COX10: variants seen among roughly 807,000 people sequenced by gnomAD.
The protein encoded by COX10 is protoheme IX farnesyltransferase, mitochondrial.
In COX10, 27 loss-of-function variants were observed where a neutral mutation model predicts 37.3. The observed-to-expected ratio is 0.72, with a 90% CI of 0.53 to 1.00. The LOEUF (loss-of-function observed/expected upper bound fraction) is 1.00, where lower values mean the gene tolerates loss of function less well. Ranked by LOEUF, COX10 falls within the 50% of genes least tolerant of loss-of-function variation. COX10 has a pLI of 0.00. For missense variants in COX10, 475 were observed against 563.2 expected, an observed-to-expected ratio of 0.84 and a Z score of 1.59; for synonymous variants, 222 against 229.1, an observed-to-expected ratio of 0.97 and a Z score of 0.28.
chr17:14,207,062 A>T lies in COX10; in HGVS notation c.1181A>T (p.Tyr394Phe). The stretch of plus-strand genomic sequence containing the variant: ...CTTCCCATCAATGCGTACATCTCCT[A>T]CCTCGGCTTCCGCTTCTACGTGGAC... ...MALPINAYISYLGFRFYVDAD... is the reference protein window; with the variant it reads ...MALPINAYISFLGFRFYVDAD... The change falls in exon 7 of 7, where the codon TAC becomes TTC. Residue 394 changes from tyrosine to phenylalanine, a missense_variant. Physicochemically the swap from Tyr to Phe is conservative, Grantham distance 22. Coordinates refer to ENST00000261643, the MANE Select transcript of COX10 (RefSeq NM_001303.4). 1 of 1,613,874 alleles carries T rather than the reference A, an allele frequency of 6.2e-7. No individual in the cohort carries two copies. The highest frequency in any genetic ancestry group is 1.7e-5 in the Admixed American group (1 of 60,022).
At chr17:14,080,710 C>G (rs1915274975) in intron 3 of COX10, among the ~76,000 whole-genome samples, 1 of 152,030 alleles carries the variant, frequency 6.6e-6, no homozygotes, top group African/African-American at 2.4e-5. Context: ...CTTGGTCATT[C>G]CTTATTGACT....
In COX10 at chr17:14,107,669, T is replaced by C. The variant is rs922643529; in HGVS notation, c.624+5427T>C. 2.9e-5 allele frequency among the ~76,000 whole-genome samples: 4 copies of C among 136,718 alleles called. No individual in the cohort carries two copies. In the East Asian group the frequency reaches 9.9e-4, roughly 34 times the overall value. The allele number at this position is 136,718 out of a possible 152,430, so 89.7% of individuals were successfully genotyped here. The stretch of plus-strand genomic sequence containing the variant: ...CTACTGTCAGCCTAATTGTACTGTT[T>C]TACACACACACACACACACACACAC... On this transcript the variant is annotated intron_variant, in intron 4 of 6. Transcript: ENST00000261643.
intron 4 of COX10, among the ~76,000 whole-genome samples, chr17:14,111,122 T>C (rs972167002): frequency 2.6e-5 from 4 of 152,158 alleles, no homozygotes; most frequent in African/African-American, 9.7e-5. Context: ...CAGACTGCTT[T>C]GAGCAAGCTA....
intron 4 of COX10, among the ~76,000 whole-genome samples, chr17:14,119,301 C>G (rs559460921): frequency 6.6e-6 from 1 of 152,168 alleles, no homozygotes; most frequent in South Asian, 2.1e-4. Context: ...CCTGGTCCTA[C>G]TTAAGATATT....
intron 5 of COX10, among the ~76,000 whole-genome samples, chr17:14,172,036 C>T (rs1039262946): frequency 2.6e-5 from 4 of 152,182 alleles, no homozygotes; most frequent in African/African-American, 9.7e-5. Flanking sequence ...TTCAGCCCAT[C>T]ATCAGTTTTG....
chr17:14,090,785 G>A (rs1915509105), intron 3 of COX10, among the ~76,000 whole-genome samples: 1 of 152,154 alleles, frequency 6.6e-6, no homozygotes, highest in Non-Finnish European at 1.5e-5. Context: ...TTCCTCACCT[G>A]CTGAATCACT....
intron 3 of COX10, 136 bp downstream of exon 3, chr17:14,077,192 T>A: frequency 1.3e-6 from 1 of 761,472 alleles, no homozygotes; most frequent in Non-Finnish European, 2.1e-6. Flanking sequence ...CTCTTCAATT[T>A]AACTGGGATT....
intron 4 of COX10, among the ~76,000 whole-genome samples, chr17:14,132,333 C>T (rs1339613456): frequency 1.3e-5 from 2 of 151,838 alleles, no homozygotes; most frequent in African/African-American, 2.4e-5. Context: ...ACGGAGAATC[C>T]GTGTCGATGG....
chr17:14,135,800 A>G (rs1597515032), intron 4 of COX10, among the ~76,000 whole-genome samples: 2 of 152,080 alleles, frequency 1.3e-5, no homozygotes, highest in African/African-American at 2.4e-5. Flanking sequence ...TGCAATTGAA[A>G]TCTTTTTCAA....
intron 5 of COX10, among the ~76,000 whole-genome samples, chr17:14,183,171 G>A (rs1359984102): frequency 6.7e-6 from 1 of 150,272 alleles, no homozygotes; most frequent in East Asian, 2.0e-4. Context: ...GTGATGCTCA[G>A]TAGAAAGACA....
At chr17:14,148,628 G>A (rs189907520) in intron 4 of COX10, among the ~76,000 whole-genome samples, 95 of 152,240 alleles carry the variant, frequency 6.2e-4, no homozygotes, top group Non-Finnish European at 1.2e-3. Flanking sequence ...ATTATTTAAT[G>A]TAGGGGAAGA....
chr17:14,124,920 C>A (rs910074520), intron 4 of COX10, among the ~76,000 whole-genome samples: 2 of 152,124 alleles, frequency 1.3e-5, no homozygotes, highest in African/African-American at 4.8e-5. Flanking sequence ...TAGAAATCTT[C>A]CCTTTTGTGT....
chr17:14,185,903 A>T (rs1384501382), intron 5 of COX10, among the ~76,000 whole-genome samples: 2 of 151,478 alleles, frequency 1.3e-5, no homozygotes, highest in Non-Finnish European at 2.9e-5. Context: ...AACCATGATC[A>T]CCCTCATGTC....
At chr17:14,157,744 G>C (rs760892119) in intron 4 of COX10, among the ~76,000 whole-genome samples, 4 of 152,162 alleles carry the variant, frequency 2.6e-5, no homozygotes, top group Non-Finnish European at 4.4e-5. Flanking sequence ...CTGACATTTA[G>C]TTTCTTACTC....
chr17:14,140,407 A>G (rs930184672), intron 4 of COX10, among the ~76,000 whole-genome samples: 10 of 152,096 alleles, frequency 6.6e-5, no homozygotes, highest in African/African-American at 2.4e-4. Flanking sequence ...CATTTTAATC[A>G]TTCCTTTAGT....
chr17:14,088,294 C>T (rs1304797354), intron 3 of COX10, among the ~76,000 whole-genome samples: 1 of 152,098 alleles, frequency 6.6e-6, no homozygotes, highest in Non-Finnish European at 1.5e-5. Context: ...TTAACAAACG[C>T]TTCTTGAGGT....
In COX10 at chr17:14,194,660, C is replaced by T. The variant is rs1262121145; in HGVS notation, c.928+2439C>T. On this transcript the variant is annotated intron_variant, in intron 6 of 6. Coordinates refer to ENST00000261643, the MANE Select transcript of COX10 (RefSeq NM_001303.4). ...CAGGATGGTCTCTATCTCTTGACCTCGTGATCCGCCTGCCTCGGCCTCCCA... is the reference window on the plus strand; with the variant it reads ...CAGGATGGTCTCTATCTCTTGACCTTGTGATCCGCCTGCCTCGGCCTCCCA... Among the ~76,000 whole-genome samples, 8 of 152,218 alleles carry T rather than the reference C, an allele frequency of 5.3e-5. No homozygotes were observed. The South Asian group carries it at 1.2e-3, about 24-fold the overall frequency.
At chr17:14,203,777 C>T (rs1311000875) in intron 6 of COX10, among the ~76,000 whole-genome samples, 1 of 152,290 alleles carries the variant, frequency 6.6e-6, no homozygotes, top group South Asian at 2.1e-4. Flanking sequence ...CTAGCAGTAG[C>T]CCCCAGCTCC....
At chr17:14,120,261 T>G (rs760201182) in intron 4 of COX10, among the ~76,000 whole-genome samples, 1 of 152,148 alleles carries the variant, frequency 6.6e-6, no homozygotes, top group Non-Finnish European at 1.5e-5. Flanking sequence ...TAGATGGATA[T>G]GTAGGTCTAG....
Sources: gnomAD v4.1 joint callset for allele counts (sites outside exome capture counted in the v4.1 genomes callset) on GRCh38, gnomAD v4.1.1 for gene constraint, MANE v1.5 for transcripts, NCBI Gene and HGNC (gene_info 2026-07-23, HGNC 2026-07-21) for gene names.